MAGI2: variants seen among roughly 807,000 people sequenced by gnomAD.
MAGI2 encodes the protein membrane associated guanylate kinase, WW and PDZ domain containing 2.
A neutral mutation model predicts 133.3 loss-of-function variants in MAGI2; 35 were observed. The observed-to-expected ratio is 0.26, with a 90% CI of 0.20 to 0.35. The LOEUF is 0.35. MAGI2 is among the 10% of genes least tolerant of loss of function. MAGI2 has a pLI of 1.00. For synonymous variants in MAGI2, 729 were observed against 710.6 expected (o/e 1.03, Z -0.41); for missense variants, 1,636 against 1,863.4 (o/e 0.88, Z 2.25).
In MAGI2 at chr7:78,745,103, C is replaced by G. The variant is rs573869927; in HGVS notation, c.419-117864G>C. 2.6e-5 allele frequency among the ~76,000 whole-genome samples: 4 copies of G among 152,270 alleles called. No individual in the cohort carries two copies. In the South Asian group the frequency reaches 8.3e-4, roughly 32 times the overall value. The stretch of plus-strand genomic sequence containing the variant: ...TCAACCAACTTATAAACATTTGAGC[C>G]AAGATTACAACCCAGACTATCTGAC... On this transcript the variant is annotated intron_variant, in intron 2 of 21. Coordinates refer to ENST00000354212, the MANE Select transcript of MAGI2 (RefSeq NM_012301.4).
chr7:78,281,434 G>T (rs192858693), intron 9 of MAGI2, among the ~76,000 whole-genome samples: 1 of 151,656 alleles, frequency 6.6e-6, no homozygotes, highest in East Asian at 1.9e-4. Context: ...ACTCTTCCCC[G>T]CTTCACTGAG....
At chr7:78,663,073 A>C (rs1813150936) in intron 2 of MAGI2, among the ~76,000 whole-genome samples, 1 of 152,154 alleles carries the variant, frequency 6.6e-6, no homozygotes, top group African/African-American at 2.4e-5. Context: ...ATTTGAATGG[A>C]ACTAAATTAG....
At chr7:79,208,599 G>A (rs904715221) in intron 1 of MAGI2, among the ~76,000 whole-genome samples, 1 of 151,922 alleles carries the variant, frequency 6.6e-6, no homozygotes, top group African/African-American at 2.4e-5. Flanking sequence ...AATTATTATA[G>A]CCATCATGGA....
intron 2 of MAGI2, among the ~76,000 whole-genome samples, chr7:78,700,694 A>G (rs144913947): frequency 2.2e-4 from 33 of 152,100 alleles, no homozygotes; most frequent in Admixed American, 2.0e-3. Context: ...GTTAGGATAT[A>G]TATTGCTTGT....
intron 1 of MAGI2, among the ~76,000 whole-genome samples, chr7:79,103,799 A>G (rs1444446726): frequency 6.6e-6 from 1 of 151,992 alleles, no homozygotes; most frequent in Non-Finnish European, 1.5e-5. Flanking sequence ...TCCCGGGTTC[A>G]CGCCATTCTA....
intron 3 of MAGI2, among the ~76,000 whole-genome samples, chr7:78,562,211 A>G (rs936952519): frequency 2.6e-5 from 4 of 152,160 alleles, no homozygotes; most frequent in Non-Finnish European, 5.9e-5. Context: ...GAGCATTAAA[A>G]GGAGTGTTTA....
At chr7:78,870,335 C>T (rs907498715) in intron 2 of MAGI2, among the ~76,000 whole-genome samples, 13 of 124,810 alleles carry the variant, frequency 1.0e-4, no homozygotes, top group East Asian at 2.5e-4. Flanking sequence ...GCCTGGGTGA[C>T]AAAGTGAGAC....
chr7:79,307,414 T>C (rs934649265), intron 1 of MAGI2, among the ~76,000 whole-genome samples: 10 of 152,156 alleles, frequency 6.6e-5, no homozygotes, highest in African/African-American at 2.2e-4. Flanking sequence ...AATTACGATA[T>C]GGATTAAGTG....
intron 2 of MAGI2, among the ~76,000 whole-genome samples, chr7:78,803,289 A>G (rs997370409): frequency 3.3e-5 from 5 of 152,186 alleles, no homozygotes; most frequent in Admixed American, 3.3e-4. Flanking sequence ...TAAATGCAAT[A>G]TATCTTGGGC....
At chr7:79,167,104 A>C (rs766760808) in intron 1 of MAGI2, among the ~76,000 whole-genome samples, 4 of 152,084 alleles carry the variant, frequency 2.6e-5, no homozygotes, top group Admixed American at 1.3e-4. Context: ...TTTTTGTTCC[A>C]ATTTAATACC....
chr7:78,689,632 T>A (rs1266802121), intron 2 of MAGI2, among the ~76,000 whole-genome samples: 1 of 150,204 alleles, frequency 6.7e-6, no homozygotes, highest in Non-Finnish European at 1.5e-5. Context: ...TTGCCTGTTC[T>A]AAGATTTCAT....
chr7:79,092,427 G>A (rs944081045), intron 1 of MAGI2, among the ~76,000 whole-genome samples: 1 of 151,600 alleles, frequency 6.6e-6, no homozygotes, highest in Admixed American at 6.6e-5. Flanking sequence ...GTTCCAATGG[G>A]AAAAATAGGT....
chr7:78,135,644 T>G (rs1822036522), intron 16 of MAGI2, among the ~76,000 whole-genome samples: 1 of 152,180 alleles, frequency 6.6e-6, no homozygotes, highest in Admixed American at 6.5e-5. Context: ...CTAGGGACAA[T>G]AATCAATAAT....
At chr7:79,057,664 G>C (rs183910298) in intron 1 of MAGI2, among the ~76,000 whole-genome samples, 134 of 152,142 alleles carry the variant, frequency 8.8e-4, no homozygotes, top group African/African-American at 3.1e-3. Flanking sequence ...TATTTCAATG[G>C]CAGGTGCAGC....
intron 2 of MAGI2, among the ~76,000 whole-genome samples, chr7:78,783,169 T>C (rs529658500): frequency 2.3e-4 from 35 of 152,194 alleles, no homozygotes; most frequent in African/African-American, 8.2e-4. Context: ...TATTCACTAA[T>C]ATGTGGGAGT....
chr7:78,782,521 A>G (rs1008256021), intron 2 of MAGI2, among the ~76,000 whole-genome samples: 1 of 152,188 alleles, frequency 6.6e-6, no homozygotes, highest in African/African-American at 2.4e-5. Context: ...GGGATCCCCT[A>G]GGGCATAACT....
intron 1 of MAGI2, among the ~76,000 whole-genome samples, chr7:79,257,679 G>C (rs527489061): frequency 6.6e-6 from 1 of 152,206 alleles, no homozygotes; most frequent in Non-Finnish European, 1.5e-5. Context: ...ATATGGCAAA[G>C]TTAAAGTACT....
chr7:79,342,582 T>C (rs992052565), intron 1 of MAGI2, among the ~76,000 whole-genome samples: 2 of 152,198 alleles, frequency 1.3e-5, no homozygotes, highest in Admixed American at 1.3e-4. Flanking sequence ...AAATTTAGAA[T>C]CACATACAGT....
chr7:78,710,852 G>A (rs560074304), intron 2 of MAGI2, among the ~76,000 whole-genome samples: 6 of 152,102 alleles, frequency 3.9e-5, no homozygotes, highest in African/African-American at 1.4e-4. Context: ...TATTACCAAA[G>A]GAATTTGAGT....
Sources: allele counts gnomAD v4.1 joint callset (sites outside exome capture counted in the v4.1 genomes callset), GRCh38; gene constraint gnomAD v4.1.1; transcripts MANE v1.5; gene names NCBI Gene and HGNC (gene_info 2026-07-23, HGNC 2026-07-21).